Variants in BCAM observed in about 807,000 individuals in gnomAD.
BCAM encodes the protein basal cell adhesion molecule.
A neutral mutation model predicts 72.4 loss-of-function variants in BCAM; 61 were observed. That is an observed-to-expected ratio of 0.84 (90% CI 0.69 to 1.04). BCAM has a LOEUF of 1.04. Among genes scored for constraint, BCAM ranks in the 50% least tolerant of loss-of-function variants. The pLI is 0.00. For missense variants in BCAM, 909 were observed against 895.0 expected, an observed-to-expected ratio of 1.02 and a Z score of -0.20; for synonymous variants, 408 against 384.2, an observed-to-expected ratio of 1.06 and a Z score of -0.73.
rs1417611489 is a variant in BCAM, at chr19:44,811,088, G to T, written c.83-137G>T. ...CAGATTCCTGGGTCTGAGGGAGGAG[G>T]GGCTGGCACCTGGACTCCTGGGTCT... On this transcript the variant is annotated intron_variant, in intron 1 of 14. Transcript: ENST00000270233. The T allele has an allele frequency of 3.9e-6, 5 of 1,296,166 alleles. No individual in the cohort carries two copies. The African/African-American group carries it at 5.9e-5, about 15-fold the overall frequency. 80.3% of individuals were successfully genotyped at this position (1,296,166 alleles called of 1,614,324 possible).
Position 44,813,349 on chromosome 19 carries a change from G to A in BCAM, c.601+3G>A, listed in dbSNP as rs776849980. On this transcript the variant is annotated splice_donor_region_variant and intron_variant, in intron 5 of 14. Transcript: ENST00000270233. This position sits in a 1 kb window ranked among gnomAD's most constrained non-coding sequence, Gnocchi z 4.2. ...GGTGCCCGTAGAGATGAACCCAGGT[G>A]AGCAGCGCAGGAGCGCGGCGGGACG... 182 of 1,613,560 alleles carry A rather than the reference G, an allele frequency of 1.1e-4. No individual in the cohort carries two copies. Among genetic ancestry groups the A allele is most frequent in the Middle Eastern group, 1.6e-4 (1 of 6,084 alleles).
chr19:44,811,144 G>T, intron 1 of BCAM, 81 bp from the exon 2 acceptor site: 2 of 1,599,516 alleles, frequency 1.3e-6, no homozygotes, highest in Non-Finnish European at 1.7e-6. Flanking sequence ...CTGGACGCTT[G>T]TGTCCTGGGG....
rs946777970 is a variant in BCAM at position 44,811,891 on chromosome 19, A to G, written c.205-272A>G. Reference sequence around the variant, plus strand: ...AGAGCAAGACTCTATCTCAAAAAAAAAGAGGAAAGAAAATGAGAGACAATC... The same window carrying G: ...AGAGCAAGACTCTATCTCAAAAAAAGAGAGGAAAGAAAATGAGAGACAATC... On this transcript the variant is annotated intron_variant, in intron 2 of 14. Transcript: ENST00000270233. 1.1e-4 allele frequency: 59 copies of G among 527,588 alleles called. 2 individuals are homozygous for G. The highest frequency in any genetic ancestry group is 5.0e-4 in the Middle Eastern group (1 of 2,012). The allele number at this position is 527,588 out of a possible 1,614,324, so 32.7% of individuals were successfully genotyped here.
At chr19:44,809,699 G>C (rs568325887) in intron 1 of BCAM, among the ~76,000 whole-genome samples, 1 of 152,246 alleles carries the variant, frequency 6.6e-6, no homozygotes, top group Admixed American at 6.5e-5. Context: ...GTATTTAGGA[G>C]TTTCCAGAGT....
In BCAM at chr19:44,819,423, C is replaced by T. The variant is rs372072867; in HGVS notation, c.1551C>T (p.Arg517=). Residue 517 remains arginine (R), a synonymous_variant, in exon 12 of 15, where the codon CGC becomes CGT. Coordinates refer to ENST00000270233, the MANE Select transcript of BCAM (RefSeq NM_005581.5). ...TGAAAGTGACCAGCGCCCTGAGCCG[C>T]GATGGCATCTCCTGTGAAGCCTCCA... ...LTLKVTSALS[R]DGISCEASNP... 2.0e-5 allele frequency: 32 copies of T among 1,613,962 alleles called. No individual in the cohort carries two copies. Among genetic ancestry groups the T allele is most frequent in the African/African-American group, 5.3e-5 (4 of 74,908 alleles).
At position 44,812,428 on chromosome 19, in the gene BCAM, C is replaced by T; in HGVS notation, c.433+37C>T. On this transcript the variant is annotated intron_variant, in intron 3 of 14. Transcript: ENST00000270233. This position sits in a 1 kb window ranked among gnomAD's most constrained non-coding sequence, Gnocchi z 5.3. ...CGGGCATCCCCCGAAGGGAGGCAGG[C>T]AGGGAGGGGCGCAGGGCAGGGGCTC... is the stretch of plus-strand genomic sequence containing the variant. The T allele has an allele frequency of 6.2e-7, 1 of 1,614,124 alleles. No individual in the cohort carries two copies. The highest frequency in any genetic ancestry group is 8.5e-7 in the Non-Finnish European group (1 of 1,179,968).
In BCAM at chr19:44,819,623, G is replaced by T. The variant is rs567437052; in HGVS notation, c.1660G>T (p.Val554Leu). The change falls in exon 13 of 15, where the codon GTG becomes TTG. Residue 554 changes from valine to leucine, a missense_variant. Val to Leu is a conservative substitution (Grantham distance 32). Coordinates refer to ENST00000270233, the MANE Select transcript of BCAM (RefSeq NM_005581.5). ...CCAGGCTGGAGTGGCCGTCATGGCCGTGGCCGTCAGCGTGGGCCTCCTGCT... is the reference window on the plus strand; with the variant it reads ...CCAGGCTGGAGTGGCCGTCATGGCCTTGGCCGTCAGCGTGGGCCTCCTGCT... ...TSQAGVAVMA[V>L]AVSVGLLLLV... 1.2e-6 allele frequency: 2 copies of T among 1,613,516 alleles called. No individual in the cohort carries two copies. Among genetic ancestry groups the T allele is most frequent in the South Asian group, 2.2e-5 (2 of 91,070 alleles).
chr19:44,816,832 A>G (rs1175868610), intron 8 of BCAM, among the ~76,000 whole-genome samples: 2 of 152,126 alleles, frequency 1.3e-5, no homozygotes, highest in East Asian at 1.9e-4. Context: ...CCAGCTACCC[A>G]GGAGACTGAG....
In BCAM at chr19:44,821,239, A is replaced by G. The variant is rs1968587746; in HGVS notation, c.*318A>G. The G allele has an allele frequency of 2.9e-6, 1 of 346,422 alleles. No individual in the cohort carries two copies. Among genetic ancestry groups the G allele is most frequent in the Non-Finnish European group, 5.2e-6 (1 of 191,554 alleles). 21.5% of individuals were successfully genotyped at this position (346,422 alleles called of 1,614,324 possible). On this transcript the variant is annotated 3_prime_UTR_variant, in exon 15 of 15. Coordinates refer to ENST00000270233, the MANE Select transcript of BCAM (RefSeq NM_005581.5). Reference sequence around the variant, plus strand: ...CTCCGAGGGTCGGCTGGCCGGAGCTATTTTTACCTCCCGCCTCCCCTGCTG... The same window carrying G: ...CTCCGAGGGTCGGCTGGCCGGAGCTGTTTTTACCTCCCGCCTCCCCTGCTG...
chr19:44,820,955 G>A lies in BCAM; in HGVS notation c.*34G>A, dbSNP rs1416245398. ...CCTCCTAGAGGCTGTCCCTGGACCT[G>A]GAGCTGCAGGCATCAGAGAACCAGC... On this transcript the variant is annotated 3_prime_UTR_variant, in exon 15 of 15. Transcript: ENST00000270233. 1 of 1,540,280 alleles carries A rather than the reference G, an allele frequency of 6.5e-7. No homozygotes were observed. Among genetic ancestry groups the A allele is most frequent in the Non-Finnish European group, 8.7e-7 (1 of 1,143,732 alleles).
rs182019561 is a variant in BCAM at position 44,814,677 on chromosome 19, G to A, written c.995G>A (p.Ser332Asn). Residue 332 changes from serine to asparagine, a missense_variant, in exon 8 of 15, where the codon AGC becomes AAC. Physicochemically the swap from Ser to Asn is conservative, Grantham distance 46 (BLOSUM62 1). Coordinates refer to ENST00000270233, the MANE Select transcript of BCAM (RefSeq NM_005581.5). This position sits in a 1 kb window ranked among gnomAD's most constrained non-coding sequence, Gnocchi z 4.6. ...CTGGAGGGAGTGACCCGGGGCCAGAGCGGGACCTATGGCTGCAGAGTGGAG... is the reference window on the plus strand; with the variant it reads ...CTGGAGGGAGTGACCCGGGGCCAGAACGGGACCTATGGCTGCAGAGTGGAG... The part of the protein sequence containing the change: ...LTLEGVTRGQ[S>N]GTYGCRVEDY... 3.1e-5 allele frequency: 50 copies of A among 1,614,024 alleles called. No individual in the cohort carries two copies. Among genetic ancestry groups the A allele is most frequent in the Non-Finnish European group, 4.0e-5 (47 of 1,180,038 alleles).
Position 44,814,348 on chromosome 19 carries a change from C to G in BCAM, c.921+60C>G. On this transcript the variant is annotated intron_variant, in intron 7 of 14. Coordinates refer to ENST00000270233, the MANE Select transcript of BCAM (RefSeq NM_005581.5). This position sits in a 1 kb window ranked among gnomAD's most constrained non-coding sequence, Gnocchi z 4.6. ...CCCAGCCCCTGACCTCTGTGACCTG[C>G]TAACCTGCATAACTTCTAATGTGGG... is the stretch of plus-strand genomic sequence containing the variant. The G allele has an allele frequency of 1.3e-6, 2 of 1,544,736 alleles. No homozygotes were observed. The highest frequency in any genetic ancestry group is 1.7e-6 in the Non-Finnish European group (2 of 1,156,318).
At chr19:44,815,014 A>T (rs912192323) in intron 8 of BCAM, among the ~76,000 whole-genome samples, 2 of 148,204 alleles carry the variant, frequency 1.3e-5, no homozygotes, top group Non-Finnish European at 3.0e-5. Flanking sequence ...AAGTGCTGGG[A>T]TTACAGGAGT....
chr19:44,818,887 A>AG lies in BCAM; in HGVS notation c.1336+10dup. The stretch of plus-strand genomic sequence containing the variant: ...ACTTCACGCTGCTGGTCCAAGGTTC[A>AG]GGGGGCAGGGAGGGGGTGGGCTTGG... On this transcript the variant is annotated splice_donor_region_variant and intron_variant, in intron 10 of 14. Transcript: ENST00000270233. This position sits in a 1 kb window ranked among gnomAD's most constrained non-coding sequence, Gnocchi z 4.6. 1 of 1,612,926 alleles carries AG rather than the reference A, an allele frequency of 6.2e-7. No individual in the cohort carries two copies. Among genetic ancestry groups the AG allele is most frequent in the Non-Finnish European group, 8.5e-7 (1 of 1,179,498 alleles).
rs143018179 is a variant in BCAM, at chr19:44,812,542, C to G, written c.498C>G (p.Ala166=). 2.3e-3 allele frequency: 3,671 copies of G among 1,614,132 alleles called. 9 individuals carry two copies. Among genetic ancestry groups the G allele is most frequent in the South Asian group, 3.3e-3 (303 of 91,082 alleles). ...CACTGTCTGTGATGGAGGACTCTGCCCAGGAGGTACCTCTCGGGTGGACCT... is the reference window on the plus strand; with the variant it reads ...CACTGTCTGTGATGGAGGACTCTGCGCAGGAGGTACCTCTCGGGTGGACCT... ...KGTLSVMEDS[A]QEIATCNSRN... Residue 166 remains alanine (A), a synonymous_variant, in exon 4 of 15, where the codon GCC becomes GCG. Transcript: ENST00000270233. This position sits in a 1 kb window ranked among gnomAD's most constrained non-coding sequence, Gnocchi z 5.3.
intron 14 of BCAM, 23 bp from the exon 15 acceptor site, chr19:44,820,893 T>A (rs1254413862): frequency 6.4e-7 from 1 of 1,559,594 alleles, no homozygotes; most frequent in South Asian, 1.2e-5. Context: ...GGGCACAGGC[T>A]GACCTCTCCA....
In BCAM at chr19:44,812,521, G is replaced by C. The variant is rs1315623592; in HGVS notation, c.477G>C (p.Leu159=). Residue 159 remains leucine, a synonymous_variant, in exon 4 of 15, where the codon CTG becomes CTC. Transcript: ENST00000270233. This position sits in a 1 kb window ranked among gnomAD's most constrained non-coding sequence, Gnocchi z 5.3. The part of the protein sequence containing the change: ...ATEVSPNKGT[L]SVMEDSAQEI... ...AGGTCTCCCCCAACAAAGGGACACT[G>C]TCTGTGATGGAGGACTCTGCCCAGG... is the stretch of plus-strand genomic sequence containing the variant. 6.2e-7 allele frequency: 1 copy of C among 1,614,224 alleles called. No homozygotes were observed.
rs28399630 is a variant in BCAM at position 44,819,070 on chromosome 19, A to C, written c.1351A>C (p.Lys451Gln). ...TLLVQGSPEL[K>Q]TAEIEPKADG... Reference sequence around the variant, plus strand: ...ACCACCCACAGGCTCGCCAGAGCTAAAGACAGCGGAAATAGAGCCCAAGGC... The same window carrying C: ...ACCACCCACAGGCTCGCCAGAGCTACAGACAGCGGAAATAGAGCCCAAGGC... Residue 451 changes from lysine (K) to glutamine (Q), a missense_variant, in exon 11 of 15, where the codon AAG becomes CAG. Coordinates refer to ENST00000270233, the MANE Select transcript of BCAM (RefSeq NM_005581.5). 5.0e-4 allele frequency: 803 copies of C among 1,613,936 alleles called. 4 individuals are homozygous for C. The African/African-American group carries it at 9.4e-3, about 19-fold the overall frequency.
chr19:44,814,499 CT>C lies in BCAM; in HGVS notation c.922-104del. On this transcript the variant is annotated intron_variant, in intron 7 of 14. Transcript: ENST00000270233. This position sits in a 1 kb window ranked among gnomAD's most constrained non-coding sequence, Gnocchi z 4.6. ...CACCTGACTTGATGGCCCCTGACCC[CT>C]GATTCTGGCTTAGCATGACACTAAC... 2.0e-6 allele frequency: 3 copies of C among 1,486,734 alleles called. No homozygotes were observed. In the South Asian group the frequency reaches 3.9e-5, roughly 20 times the overall value. 92.1% of individuals were successfully genotyped at this position (1,486,734 alleles called of 1,614,324 possible). A position where few individuals can be genotyped will look rare whatever the true frequency, so the allele number is the denominator to read the frequency against.
Sources: allele counts gnomAD v4.1 joint callset (sites outside exome capture counted in the v4.1 genomes callset), GRCh38; gene constraint gnomAD v4.1.1; non-coding constraint Gnocchi (gnomAD v3.1); transcripts MANE v1.5; gene names NCBI Gene and HGNC (gene_info 2026-07-23, HGNC 2026-07-21).